RREB1: variants seen among roughly 807,000 people sequenced by gnomAD.
The protein encoded by RREB1 is ras responsive element binding protein 1, also known as ras-responsive element-binding protein 1.
A neutral mutation model predicts 117.8 loss-of-function variants in RREB1; 27 were observed. The observed-to-expected ratio is 0.23, with a 90% CI of 0.17 to 0.32. The LOEUF (loss-of-function observed/expected upper bound fraction) is 0.32, where lower values mean the gene tolerates loss of function less well. RREB1 is among the 10% of genes least tolerant of loss of function. The probability of loss-of-function intolerance (pLI) is 1.00; values close to 1 mark genes in which losing one functional copy is unlikely to be tolerated. For missense variants in RREB1, 2,577 were observed against 2,378.2 expected, an observed-to-expected ratio of 1.08 and a Z score of -1.74; for synonymous variants, 1,298 against 1,026.7, an observed-to-expected ratio of 1.26 and a Z score of -5.05.
At chr6:7,187,328 C>A in intron 4 of RREB1, 106 bp from the exon 5 acceptor site, 1 of 547,666 alleles carries the variant, frequency 1.8e-6, no homozygotes, top group Non-Finnish European at 3.2e-6. Flanking sequence ...GGAGCCCATG[C>A]TCTCAGCTAC....
chr6:7,119,121 G>A (rs1761549176), intron 1 of RREB1, among the ~76,000 whole-genome samples: 2 of 152,024 alleles, frequency 1.3e-5, no homozygotes, highest in African/African-American at 4.8e-5. Flanking sequence ...AGGCGTGGTG[G>A]TTCACGCCTG....
At chr6:7,211,741 T>C (rs1456920968) in intron 8 of RREB1, 32 bp downstream of exon 8, 1 of 1,609,948 alleles carries the variant, frequency 6.2e-7, no homozygotes, top group Non-Finnish European at 8.5e-7. Flanking sequence ...ACCTTGTTCA[T>C]TCCTGTTTCT....
chr6:7,221,948 C>T (rs540880145), intron 8 of RREB1, among the ~76,000 whole-genome samples: 36 of 152,060 alleles, frequency 2.4e-4, no homozygotes, highest in Admixed American at 2.1e-3. Flanking sequence ...AACATAATGA[C>T]TAAATTTGGA....
rs1767966981 is a variant in RREB1, at chr6:7,231,436, ACCACCGCCACCC to A, written c.3340_3351del (p.Thr1114_Pro1117del). On this transcript the variant is annotated inframe_deletion, in exon 10 of 13. Coordinates refer to ENST00000379938, the MANE Select transcript of RREB1 (RefSeq NM_001003699.4). ...AGGAGGTTCTGTCCCCAAAGCCGCCACCACCGCCACCCCCGCTGCCACCACCAGCCCAAAAGA... is the reference window on the plus strand; with the variant it reads ...AGGAGGTTCTGTCCCCAAAGCCGCCACCGCTGCCACCACCAGCCCAAAAGA... 1 of 1,611,968 alleles carries A rather than the reference ACCACCGCCACCC, an allele frequency of 6.2e-7. No homozygotes were observed. Among genetic ancestry groups the A allele is most frequent in the Non-Finnish European group, 8.5e-7 (1 of 1,179,396 alleles).
chr6:7,110,777 G>A (rs1008252184), intron 1 of RREB1, among the ~76,000 whole-genome samples: 1 of 152,164 alleles, frequency 6.6e-6, no homozygotes, highest in Admixed American at 6.5e-5. Flanking sequence ...TTGCATTTTA[G>A]AATGTCTTGT....
chr6:7,211,027 G>A, intron 7 of RREB1, 79 bp downstream of exon 7: 1 of 1,406,444 alleles, frequency 7.1e-7, no homozygotes, highest in South Asian at 1.3e-5. Flanking sequence ...TTTTCTCAGT[G>A]TGGAGACTTG....
chr6:7,250,886 A>T lies in RREB1; in HGVS notation c.*1918A>T, dbSNP rs1769379447. 6.6e-6 allele frequency: 1 copy of T among 152,152 alleles called. No individual in the cohort carries two copies. Among genetic ancestry groups the T allele is most frequent in the Non-Finnish European group, 1.5e-5 (1 of 68,032 alleles). The allele number at this position is 152,152 out of a possible 1,614,324, so 9.4% of individuals were successfully genotyped here. On this transcript the variant is annotated 3_prime_UTR_variant, in exon 13 of 13. Transcript: ENST00000379938. The stretch of plus-strand genomic sequence containing the variant: ...CCAGTTTAAAAACGAGGTTTTATTT[A>T]CTGTAGAGATGAATGCAAATCAGAA...
chr6:7,230,330 T>C lies in RREB1; in HGVS notation c.2231T>C (p.Leu744Pro), dbSNP rs369973752. The C allele has an allele frequency of 1.1e-5, 18 of 1,589,146 alleles. No individual in the cohort carries two copies. Among genetic ancestry groups the C allele is most frequent in the Non-Finnish European group, 1.4e-5 (16 of 1,172,690 alleles). Residue 744 changes from leucine (L) to proline (P), a missense_variant, in exon 10 of 13, where the codon CTG (leucine) becomes CCG (proline). Leu to Pro is a moderately conservative substitution (Grantham distance 98). Transcript: ENST00000379938. The part of the protein sequence containing the change: ...IEYVSSSAAE[L>P]VDAFCAPDTV... The stretch of plus-strand genomic sequence containing the variant: ...TATGTGAGTAGCAGCGCGGCCGAGC[T>C]GGTGGACGCCTTCTGCGCCCCGGAC...
At chr6:7,114,498 A>G (rs1198162258) in intron 1 of RREB1, among the ~76,000 whole-genome samples, 1 of 150,772 alleles carries the variant, frequency 6.6e-6, no homozygotes, top group Non-Finnish European at 1.5e-5. Context: ...GGGAGCTGCT[A>G]CTGGCCTTTA....
chr6:7,171,174 T>G (rs9505057), intron 1 of RREB1, among the ~76,000 whole-genome samples: 44,326 of 152,078 alleles, frequency 0.29, 8,095 homozygotes, highest in African/African-American at 0.52. Context: ...CAAGGGTATA[T>G]AACGTGAAGT....
chr6:7,239,131 A>G (rs978007231), intron 10 of RREB1, among the ~76,000 whole-genome samples: 10 of 152,214 alleles, frequency 6.6e-5, no homozygotes, highest in Non-Finnish European at 1.5e-4. Context: ...GCACTAGTTC[A>G]GGCTTCTATC....
intron 1 of RREB1, among the ~76,000 whole-genome samples, chr6:7,146,491 A>G (rs1762867090): frequency 6.6e-6 from 1 of 152,164 alleles, no homozygotes; most frequent in Non-Finnish European, 1.5e-5. Context: ...GTCAGGAGAC[A>G]TTACTGCTGG....
intron 6 of RREB1, among the ~76,000 whole-genome samples, chr6:7,192,668 T>G (rs2113564674): frequency 6.6e-6 from 1 of 152,228 alleles, no homozygotes; most frequent in East Asian, 1.9e-4. Context: ...ACTATAATAA[T>G]TTGAATCTTC....
intron 5 of RREB1, among the ~76,000 whole-genome samples, chr6:7,188,031 T>A (rs1040569710): frequency 2.0e-5 from 3 of 152,042 alleles, no homozygotes; most frequent in African/African-American, 7.2e-5. Flanking sequence ...TAGCCAGGCA[T>A]GGTGGCATGC....
chr6:7,168,247 T>G (rs1764048998), intron 1 of RREB1, among the ~76,000 whole-genome samples: 1 of 109,512 alleles, frequency 9.1e-6, no homozygotes, highest in Non-Finnish European at 1.7e-5. Flanking sequence ...AGAGTGAGAC[T>G]CCGTCTGAAA....
At chr6:7,192,065 C>G (rs1218484810) in intron 6 of RREB1, among the ~76,000 whole-genome samples, 1 of 121,086 alleles carries the variant, frequency 8.3e-6, no homozygotes, top group East Asian at 3.1e-4. Context: ...CTTTCTTTTC[C>G]TAGTTTTTTG....
intron 1 of RREB1, among the ~76,000 whole-genome samples, chr6:7,157,678 G>A (rs756281607): frequency 4.6e-5 from 7 of 152,056 alleles, no homozygotes; most frequent in African/African-American, 1.2e-4. Context: ...AGCTGAGGTC[G>A]GAGGGTTGCT....
chr6:7,127,400 T>C (rs1429712743), intron 1 of RREB1, among the ~76,000 whole-genome samples: 3 of 152,022 alleles, frequency 2.0e-5, no homozygotes, highest in Non-Finnish European at 4.4e-5. Flanking sequence ...CAACCCAGGA[T>C]ATGTGGGCTG....
At chr6:7,154,562 T>C (rs576270647) in intron 1 of RREB1, among the ~76,000 whole-genome samples, 6 of 152,372 alleles carry the variant, frequency 3.9e-5, no homozygotes, top group East Asian at 1.9e-4. Flanking sequence ...TTTAGCACTT[T>C]ATAGATTTGA....
Sources: gnomAD v4.1 joint callset for allele counts (sites outside exome capture counted in the v4.1 genomes callset) on GRCh38, gnomAD v4.1.1 for gene constraint, MANE v1.5 for transcripts, NCBI Gene and HGNC (gene_info 2026-07-23, HGNC 2026-07-21) for gene names.